Variants in DNAJC16 observed in about 807,000 individuals in gnomAD.
The protein encoded by DNAJC16 is dnaJ homolog subfamily C member 16.
DNAJC16 carries 76 observed loss-of-function variants against 92.7 expected under a neutral mutation model. The observed-to-expected ratio is 0.82, with a 90% CI of 0.68 to 0.99. The LOEUF (loss-of-function observed/expected upper bound fraction) is 0.99. Among genes scored for constraint, DNAJC16 ranks in the 50% least tolerant of loss-of-function variants. The pLI is 0.00. For synonymous variants in DNAJC16, 328 were observed against 358.7 expected, an observed-to-expected ratio of 0.91 and a Z score of 0.97; for missense variants, 869 against 942.4, an observed-to-expected ratio of 0.92 and a Z score of 1.02.
chr1:15,566,264 G>C, intron 13 of DNAJC16, 84 bp downstream of exon 13: 3 of 1,141,214 alleles, frequency 2.6e-6, no homozygotes, highest in South Asian at 2.7e-5. Flanking sequence ...TTGGAACATA[G>C]AGTGTAGAGA....
rs1638879207 is a variant in DNAJC16 at position 15,568,835 on chromosome 1, G to T, written c.*658G>T. Reference sequence around the variant, plus strand: ...ATGTGAGTTCTCAAGAAAAGGAAAGGGAGGCTGAGCAGTGGCTGAAGCGAT... The same window carrying T: ...ATGTGAGTTCTCAAGAAAAGGAAAGTGAGGCTGAGCAGTGGCTGAAGCGAT... On this transcript the variant is annotated 3_prime_UTR_variant, in exon 15 of 15. Coordinates refer to ENST00000375847, the MANE Select transcript of DNAJC16 (RefSeq NM_015291.4). The T allele has an allele frequency of 2.5e-6, 1 of 397,740 alleles. No homozygotes were observed. The highest frequency in any genetic ancestry group is 4.4e-6 in the Non-Finnish European group (1 of 225,774). 24.6% of individuals were successfully genotyped at this position (397,740 alleles called of 1,614,324 possible).
At chr1:15,560,973 GTC>G (rs1198260534) in intron 8 of DNAJC16, among the ~76,000 whole-genome samples, 1 of 152,106 alleles carries the variant, frequency 6.6e-6, no homozygotes, top group Non-Finnish European at 1.5e-5. Flanking sequence ...TGCACTTGTA[GTC>G]TCTCTACCTG....
chr1:15,551,601 GT>G (rs67556735), intron 7 of DNAJC16, among the ~76,000 whole-genome samples: 82,624 of 142,480 alleles, frequency 0.58, 23,640 homozygotes, highest in African/African-American at 0.69. Flanking sequence ...AAGTGATGTG[GT>G]TTTTTTTTTT....
Position 15,567,748 on chromosome 1 carries a change from CCT to C in DNAJC16, c.1950-29_1950-28del, listed in dbSNP as rs775321357. On this transcript the variant is annotated intron_variant, in intron 14 of 14. Coordinates refer to ENST00000375847, the MANE Select transcript of DNAJC16 (RefSeq NM_015291.4). ...AGCAATTAAATGTGTCAGGAAATGCCCTGAGTCCTCAATTCTCTTCTTCCTAC... is the reference window on the plus strand; with the variant it reads ...AGCAATTAAATGTGTCAGGAAATGCCGAGTCCTCAATTCTCTTCTTCCTAC... 220 of 1,590,164 alleles carry C rather than the reference CCT, an allele frequency of 1.4e-4. 1 individual carries two copies. The highest frequency in any genetic ancestry group is 2.7e-4 in the South Asian group (24 of 87,338).
chr1:15,535,462 A>G (rs1710757542), intron 3 of DNAJC16, among the ~76,000 whole-genome samples: 1 of 152,218 alleles, frequency 6.6e-6, no homozygotes, highest in South Asian at 2.1e-4. Flanking sequence ...AGAATATCTA[A>G]TCGGCTGGAC....
At chr1:15,533,218 C>A (rs562461421) in intron 2 of DNAJC16, among the ~76,000 whole-genome samples, 7 of 152,292 alleles carry the variant, frequency 4.6e-5, no homozygotes, top group African/African-American at 1.7e-4. Context: ...CCAAAGCTGG[C>A]CGGGTGTGGT....
rs1451036039 is a variant in DNAJC16 at position 15,568,075 on chromosome 1, G to GCC, written c.2249_2250dup (p.Ile751ProfsTer6). 1 of 1,614,220 alleles carries GCC rather than the reference G, an allele frequency of 6.2e-7. No individual in the cohort carries two copies. The highest frequency in any genetic ancestry group is 1.1e-5 in the South Asian group (1 of 91,090). On this transcript the variant is annotated frameshift_variant, in exon 15 of 15. Coordinates refer to ENST00000375847, the MANE Select transcript of DNAJC16 (RefSeq NM_015291.4). LOFTEE classifies it high-confidence loss of function. ...AACCTTCCTGTGGCCTTGGATCCAG[G>GCC]CCCATCAAAGGAAAGTTGAGCAAGC... is the stretch of plus-strand genomic sequence containing the variant.
At chr1:15,547,945 T>C (rs1396812750) in intron 6 of DNAJC16, among the ~76,000 whole-genome samples, 1 of 152,164 alleles carries the variant, frequency 6.6e-6, no homozygotes. Flanking sequence ...GAAGGTGTTA[T>C]CAGTGGCATG....
rs1638796757 is a variant in DNAJC16 at position 15,565,979 on chromosome 1, T to C, written c.1659T>C (p.Thr553=). The C allele has an allele frequency of 6.2e-7, 1 of 1,614,098 alleles. No individual in the cohort carries two copies. The change falls in exon 12 of 15, where the codon ACT becomes ACC. Residue 553 remains threonine, a synonymous_variant. Coordinates refer to ENST00000375847, the MANE Select transcript of DNAJC16 (RefSeq NM_015291.4). The part of the protein sequence containing the change: ...IFSALFILFG[T]VIVQAFSDSN... Reference sequence around the variant, plus strand: ...CTGCCCTCTTCATCCTCTTCGGCACTGTCATCGTTCAGGCTTTCAGGTAAA... The same window carrying C: ...CTGCCCTCTTCATCCTCTTCGGCACCGTCATCGTTCAGGCTTTCAGGTAAA...
intron 4 of DNAJC16, among the ~76,000 whole-genome samples, chr1:15,538,892 T>C (rs1404009532): frequency 6.6e-6 from 1 of 152,352 alleles, no homozygotes; most frequent in South Asian, 2.1e-4. Context: ...TTGTGGTTAG[T>C]GTACCAGCAT....
chr1:15,538,252 A>G (rs913069499), intron 4 of DNAJC16, among the ~76,000 whole-genome samples: 3 of 151,916 alleles, frequency 2.0e-5, no homozygotes, highest in Non-Finnish European at 4.4e-5. Flanking sequence ...AAAATCAGCC[A>G]GGAGTGGTGG....
intron 2 of DNAJC16, among the ~76,000 whole-genome samples, chr1:15,531,350 C>T (rs1710655390): frequency 6.6e-6 from 1 of 152,114 alleles, no homozygotes. Context: ...TGTTTTAGAC[C>T]ATATTCCATG....
chr1:15,566,656 G>A (rs1638817252), intron 13 of DNAJC16: 1 of 175,322 alleles, frequency 5.7e-6, no homozygotes, highest in Non-Finnish European at 1.2e-5. Flanking sequence ...GGCCTAGGTG[G>A]GAGGATTGCT....
chr1:15,532,516 T>C (rs1710682753), intron 2 of DNAJC16, among the ~76,000 whole-genome samples: 1 of 152,154 alleles, frequency 6.6e-6, no homozygotes. Context: ...TGTTTCAGGA[T>C]CTGTGTTTTC....
At position 15,567,894 on chromosome 1, in the gene DNAJC16, T is replaced by C. The variant is rs533367694; in HGVS notation, c.2066T>C (p.Phe689Ser). The C allele has an allele frequency of 6.2e-7, 1 of 1,614,188 alleles. No individual in the cohort carries two copies. The highest frequency in any genetic ancestry group is 8.5e-7 in the Non-Finnish European group (1 of 1,180,038). The change falls in exon 15 of 15, where the codon TTC (phenylalanine) becomes TCC (serine). Residue 689 changes from phenylalanine (F) to serine (S), a missense_variant. By Grantham distance (155) the Phe-to-Ser change is radical. Coordinates refer to ENST00000375847, the MANE Select transcript of DNAJC16 (RefSeq NM_015291.4). The part of the protein sequence containing the change: ...APIPNQYDKH[F>S]MERDYTGYVL... ...ATCCCAAACCAATATGATAAGCATT[T>C]CATGGAGCGTGACTACACTGGTTAT... is the stretch of plus-strand genomic sequence containing the variant.
chr1:15,533,867 G>A (rs1396528191), intron 2 of DNAJC16, among the ~76,000 whole-genome samples: 2 of 152,162 alleles, frequency 1.3e-5, no homozygotes, highest in Admixed American at 6.5e-5. Context: ...GGGATGAAAC[G>A]TTGCCATCCT....
At chr1:15,540,995 T>A (rs565708698) in intron 4 of DNAJC16, among the ~76,000 whole-genome samples, 1 of 152,260 alleles carries the variant, frequency 6.6e-6, no homozygotes, top group South Asian at 2.1e-4. Context: ...TAGAACTAGA[T>A]TCAGATCCTG....
At chr1:15,545,037 T>G (rs1036005635) in intron 5 of DNAJC16, among the ~76,000 whole-genome samples, 1 of 152,166 alleles carries the variant, frequency 6.6e-6, no homozygotes, top group African/African-American at 2.4e-5. Context: ...TTCCATGAAA[T>G]CAAATATTAT....
intron 7 of DNAJC16, among the ~76,000 whole-genome samples, chr1:15,553,056 C>G (rs1252095586): frequency 6.6e-6 from 1 of 152,006 alleles, no homozygotes; most frequent in East Asian, 1.9e-4. Flanking sequence ...AGGTGTGAGC[C>G]ACCGCGCCCG....
Sources: gnomAD v4.1 joint callset for allele counts (sites outside exome capture counted in the v4.1 genomes callset) on GRCh38, gnomAD v4.1.1 for gene constraint, MANE v1.5 for transcripts, NCBI Gene and HGNC (gene_info 2026-07-23, HGNC 2026-07-21) for gene names.